DPYD: variants seen among roughly 807,000 people sequenced by gnomAD.
DPYD encodes the protein dihydropyrimidine dehydrogenase [NADP(+)].
In DPYD, 109 loss-of-function variants were observed where a neutral mutation model predicts 116.2. That is an observed-to-expected ratio of 0.94 (90% CI 0.80 to 1.10). DPYD has a LOEUF of 1.10. Among genes scored for constraint, DPYD ranks in the 50% least tolerant of loss-of-function variants. DPYD has a pLI of 0.00. For synonymous variants in DPYD, 440 were observed against 432.0 expected (o/e 1.02, Z -0.23); for missense variants, 1,302 against 1,254.5 (o/e 1.04, Z -0.57).
chr1:97,341,816 T>C (rs1321099869), intron 16 of DPYD, among the ~76,000 whole-genome samples: 1 of 152,196 alleles, frequency 6.6e-6, no homozygotes, highest in Non-Finnish European at 1.5e-5. Flanking sequence ...AAAGCCTAAC[T>C]GTTTCAGTGT....
At chr1:97,345,185 AT>A (rs988708487) in intron 16 of DPYD, among the ~76,000 whole-genome samples, 2 of 151,848 alleles carry the variant, frequency 1.3e-5, no homozygotes, top group African/African-American at 4.8e-5. Flanking sequence ...GGCTAAAAAT[AT>A]TTTTTCCTAA....
chr1:97,139,224 C>T (rs1476397590), intron 20 of DPYD, among the ~76,000 whole-genome samples: 1 of 152,112 alleles, frequency 6.6e-6, no homozygotes, highest in Non-Finnish European at 1.5e-5. Context: ...ACAAGTCAGT[C>T]ATGGTGCCTC....
chr1:97,282,571 C>CT, intron 18 of DPYD, among the ~76,000 whole-genome samples: 1 of 152,002 alleles, frequency 6.6e-6, no homozygotes, highest in Admixed American at 6.6e-5. Flanking sequence ...TAAAATTCAA[C>CT]TTTTTTCTTG....
intron 2 of DPYD, among the ~76,000 whole-genome samples, chr1:97,854,451 AC>A (rs1670719412): frequency 6.6e-6 from 1 of 152,190 alleles, no homozygotes; most frequent in Admixed American, 6.5e-5. Context: ...CATCCACTAC[AC>A]TGGGAAGAAG....
At position 97,809,277 on chromosome 1, in the gene DPYD, C is replaced by A. The variant is rs115166042; in HGVS notation, c.233+18837G>T. On this transcript the variant is annotated intron_variant, in intron 3 of 22. Coordinates refer to ENST00000370192, the MANE Select transcript of DPYD (RefSeq NM_000110.4). ...ATGGGATGCTTCAAAAACACTGATG[C>A]TAACTGCTACCTCTCCAACACATAC... is the stretch of plus-strand genomic sequence containing the variant. Among the ~76,000 whole-genome samples, 1,000 of 152,292 alleles carry A rather than the reference C, an allele frequency of 6.6e-3. 15 individuals carry two copies. The highest frequency in any genetic ancestry group is 0.023 in the African/African-American group (941 of 41,558).
intron 3 of DPYD, among the ~76,000 whole-genome samples, chr1:97,819,121 C>CA (rs1471687506): frequency 6.6e-6 from 1 of 151,770 alleles, no homozygotes; most frequent in Non-Finnish European, 1.5e-5. Flanking sequence ...TGGCATAAAC[C>CA]AAATCAAAGA....
intron 18 of DPYD, among the ~76,000 whole-genome samples, chr1:97,248,860 C>G (rs1662895402): frequency 6.6e-6 from 1 of 151,942 alleles, no homozygotes; most frequent in South Asian, 2.1e-4. Flanking sequence ...ACAATAGCAC[C>G]AAAAAGCAAC....
intron 14 of DPYD, among the ~76,000 whole-genome samples, chr1:97,434,226 T>C (rs1469821664): frequency 6.6e-6 from 1 of 152,152 alleles, no homozygotes; most frequent in Non-Finnish European, 1.5e-5. Context: ...TCCTTTTGGC[T>C]GATCAGTATA....
intron 20 of DPYD, among the ~76,000 whole-genome samples, chr1:97,130,921 C>T (rs986406067): frequency 5.1e-5 from 7 of 138,008 alleles, no homozygotes; most frequent in Admixed American, 4.4e-4. Context: ...CTCCCTCCCT[C>T]TTTCTCTCTC....
At chr1:97,468,970 T>C (rs1677479586) in intron 13 of DPYD, among the ~76,000 whole-genome samples, 1 of 152,006 alleles carries the variant, frequency 6.6e-6, no homozygotes, top group Admixed American at 6.6e-5. Flanking sequence ...CTTGAAAGAG[T>C]TCAAAACATT....
intron 18 of DPYD, among the ~76,000 whole-genome samples, chr1:97,269,102 G>A (rs1664412197): frequency 6.6e-6 from 1 of 151,974 alleles, no homozygotes; most frequent in Non-Finnish European, 1.5e-5. Flanking sequence ...TTCTTCTTAA[G>A]TTCTGTCTTC....
chr1:97,229,584 ATAT>A (rs1557956439), intron 19 of DPYD, among the ~76,000 whole-genome samples: 1,133 of 67,874 alleles, frequency 0.017, 27 homozygotes, highest in African/African-American at 0.054. Flanking sequence ...ATATATATAT[ATAT>A]ATACTGATTT....
chr1:97,176,868 A>ATGTGTGTGTGTGTGTGTG (rs10677535), intron 20 of DPYD, among the ~76,000 whole-genome samples: 9,928 of 146,504 alleles, frequency 0.068, 466 homozygotes, highest in South Asian at 0.18. Flanking sequence ...GGACAAAAAA[A>ATGTGTGTGTGTGTGTGTG]TGTGTGTGTG....
At chr1:97,362,143 A>T (rs982928935) in intron 16 of DPYD, among the ~76,000 whole-genome samples, 18 of 152,256 alleles carry the variant, frequency 1.2e-4, no homozygotes, top group Non-Finnish European at 7.3e-5. Flanking sequence ...AATCACAAGC[A>T]TTCCAATACA....
chr1:97,153,367 C>T (rs1238361882), intron 20 of DPYD, among the ~76,000 whole-genome samples: 2 of 151,982 alleles, frequency 1.3e-5, no homozygotes, highest in Admixed American at 6.6e-5. Flanking sequence ...TCTATAGCCC[C>T]AGGAGAACAT....
intron 1 of DPYD, among the ~76,000 whole-genome samples, chr1:97,888,555 T>C (rs1672617204): frequency 7.1e-6 from 1 of 140,528 alleles, no homozygotes; most frequent in African/African-American, 2.6e-5. Flanking sequence ...ATGCTAAATG[T>C]AAAGAGATCC....
intron 12 of DPYD, among the ~76,000 whole-genome samples, chr1:97,530,827 A>C (rs142161197): frequency 0.014 from 2,092 of 152,246 alleles, 33 homozygotes; most frequent in Middle Eastern, 0.027. Context: ...AGTGTGAGGT[A>C]ATATCTCAAT....
chr1:97,595,038 A>G (rs748402907), intron 9 of DPYD, 21 bp downstream of exon 9: 1 of 1,554,886 alleles, frequency 6.4e-7, no homozygotes. Flanking sequence ...ACTATTAAGC[A>G]TAAAAGACAA....
intron 20 of DPYD, among the ~76,000 whole-genome samples, chr1:97,114,425 A>G (rs1651819216): frequency 6.6e-6 from 1 of 152,182 alleles, no homozygotes; most frequent in African/African-American, 2.4e-5. Flanking sequence ...AGCATAAGCA[A>G]TATTTGTTCC....
Sources: gnomAD v4.1 joint callset for allele counts (sites outside exome capture counted in the v4.1 genomes callset) on GRCh38, gnomAD v4.1.1 for gene constraint, MANE v1.5 for transcripts, NCBI Gene and HGNC (gene_info 2026-07-23, HGNC 2026-07-21) for gene names.